NEK9: variants seen among roughly 807,000 people sequenced by gnomAD.
NEK9 encodes serine/threonine-protein kinase Nek9.
NEK9 carries 75 observed loss-of-function variants against 123.4 expected under a neutral mutation model. The observed-to-expected ratio is 0.61, with a 90% CI of 0.50 to 0.74. The LOEUF (loss-of-function observed/expected upper bound fraction) is 0.74, where lower values mean the gene tolerates loss of function less well. Ranked by LOEUF, NEK9 falls within the 30% of genes least tolerant of loss-of-function variation. The pLI is 0.00. For synonymous variants in NEK9, 438 were observed against 458.7 expected, an observed-to-expected ratio of 0.95 and a Z score of 0.58; for missense variants, 952 against 1,214.4, an observed-to-expected ratio of 0.78 and a Z score of 3.21.
At chr14:75,123,381 CCAA>C (rs1254505052) in intron 2 of NEK9, among the ~76,000 whole-genome samples, 1 of 151,604 alleles carries the variant, frequency 6.6e-6, no homozygotes, top group East Asian at 1.9e-4. Flanking sequence ...AGCCTTTACT[CCAA>C]CAAGAGTAAA....
intron 10 of NEK9, among the ~76,000 whole-genome samples, chr14:75,108,510 TGTGC>T (rs1566652685): frequency 1.4e-5 from 1 of 70,640 alleles, no homozygotes; most frequent in Non-Finnish European, 2.8e-5. Flanking sequence ...TGTGTGTGCG[TGTGC>T]GTGTGTGTGT....
rs1170375573 is a variant in NEK9, at chr14:75,081,832, A to G, written c.*2732T>C. The stretch of plus-strand genomic sequence containing the variant: ...ACTGAGGAGGTAGGTACAAGAAAGG[A>G]TCATCCTTCTTTTAGTGGCTCATTT... On this transcript the variant is annotated 3_prime_UTR_variant, in exon 22 of 22. Coordinates refer to ENST00000238616, the MANE Select transcript of NEK9 (RefSeq NM_033116.6). This position sits in a 1 kb window ranked among gnomAD's most constrained non-coding sequence, Gnocchi z 4.2. 1 of 152,078 alleles carries G rather than the reference A, an allele frequency of 6.6e-6. No individual in the cohort carries two copies. The highest frequency in any genetic ancestry group is 6.5e-5 in the Admixed American group (1 of 15,274). 9.4% of individuals were successfully genotyped at this position (152,078 alleles called of 1,614,324 possible).
In NEK9 at chr14:75,109,455, CTCAT is replaced by C. The variant is rs1328795623; in HGVS notation, c.1182+226_1182+229del. The stretch of plus-strand genomic sequence containing the variant: ...AGTCTTTCAATTTTTCTCTCCCTCT[CTCAT>C]TCATTCATTCAAAAAACATTTATAG... On this transcript the variant is annotated intron_variant, in intron 10 of 21. Coordinates refer to ENST00000238616, the MANE Select transcript of NEK9 (RefSeq NM_033116.6). Among the ~76,000 whole-genome samples, 7 of 152,250 alleles carry C rather than the reference CTCAT, an allele frequency of 4.6e-5. No homozygotes were observed. The East Asian group carries it at 1.3e-3, about 29-fold the overall frequency.
intron 21 of NEK9, 106 bp from the exon 22 acceptor site, chr14:75,084,792 G>C: frequency 6.9e-7 from 1 of 1,452,262 alleles, no homozygotes. Flanking sequence ...TGGCTAAGGC[G>C]TGGCTAAGGA....
intron 6 of NEK9, 107 bp from the exon 7 acceptor site, chr14:75,114,420 A>G: frequency 1.2e-6 from 1 of 852,422 alleles, no homozygotes. Flanking sequence ...AGAATTGGCA[A>G]TAGGTCTGAC....
At chr14:75,119,462 C>A (rs1406270121) in intron 4 of NEK9, among the ~76,000 whole-genome samples, 1 of 152,216 alleles carries the variant, frequency 6.6e-6, no homozygotes, top group African/African-American at 2.4e-5. Flanking sequence ...GAATTAACTT[C>A]ATCCTCTAGG....
intron 21 of NEK9, 114 bp from the exon 22 acceptor site, chr14:75,084,800 G>A: frequency 7.3e-7 from 1 of 1,367,576 alleles, no homozygotes; most frequent in Non-Finnish European, 1.0e-6. Context: ...GCGTGGCTAA[G>A]GATTTGTAGC....
At chr14:75,095,298 T>A in intron 18 of NEK9, 74 bp downstream of exon 18, 1 of 980,710 alleles carries the variant, frequency 1.0e-6, no homozygotes, top group Non-Finnish European at 1.6e-6. Context: ...CTTTGGGTTT[T>A]GGAGTCTACA....
At chr14:75,121,458 A>T (rs1315103282) in intron 2 of NEK9, among the ~76,000 whole-genome samples, 1 of 152,198 alleles carries the variant, frequency 6.6e-6, no homozygotes, top group Non-Finnish European at 1.5e-5. Flanking sequence ...TGTTCCCAAC[A>T]AGTGAAGTAT....
chr14:75,120,885 T>C, intron 3 of NEK9: 1 of 634,624 alleles, frequency 1.6e-6, no homozygotes, highest in Non-Finnish European at 2.8e-6. Flanking sequence ...TACGCAGTAA[T>C]AGAACCAGGA....
chr14:75,099,052 C>G (rs1894476897), intron 16 of NEK9, among the ~76,000 whole-genome samples: 1 of 152,170 alleles, frequency 6.6e-6, no homozygotes, highest in Non-Finnish European at 1.5e-5. Flanking sequence ...GGTAACAGAT[C>G]ACAATATCCC....
Position 75,095,370 on chromosome 14 carries a change from AC to A in NEK9, c.2233+1del. 6.2e-7 allele frequency: 1 copy of A among 1,606,550 alleles called. No homozygotes were observed. The highest frequency in any genetic ancestry group is 8.5e-7 in the Non-Finnish European group (1 of 1,173,640). On this transcript the variant is annotated splice_donor_variant, in intron 18 of 21. Transcript: ENST00000238616. LOFTEE classifies it high-confidence loss of function. ...ACTGGTACCTGAAACATTGGTACTTACCAGTTCCAATGGATAAGCCACTGCT... is the reference window on the plus strand; with the variant it reads ...ACTGGTACCTGAAACATTGGTACTTACAGTTCCAATGGATAAGCCACTGCT...
In NEK9 at chr14:75,118,910, GA is replaced by G; in HGVS notation, c.549del (p.Leu184Ter). On this transcript the variant is annotated frameshift_variant, in exon 5 of 22. Transcript: ENST00000238616. LOFTEE classifies it high-confidence loss of function. Reference sequence around the variant, plus strand: ...AGTTTTATCAGGTTTGCCTTGGTCAGAAAAATATTTAATGTCTTTATATCTC... The same window carrying G: ...AGTTTTATCAGGTTTGCCTTGGTCAGAAAATATTTAATGTCTTTATATCTC... ...LHRDIKTLNI[F>X]LTKANLIKLG... is the part of the protein sequence containing the mutation. 1 of 1,594,546 alleles carries G rather than the reference GA, an allele frequency of 6.3e-7. No homozygotes were observed. The highest frequency in any genetic ancestry group is 8.6e-7 in the Non-Finnish European group (1 of 1,163,026).
In NEK9 at chr14:75,101,641, T is replaced by C. The variant is rs1894583618; in HGVS notation, c.1840+16A>G. 2 of 1,565,762 alleles carry C rather than the reference T, an allele frequency of 1.3e-6. No homozygotes were observed. Among genetic ancestry groups the C allele is most frequent in the Non-Finnish European group, 8.8e-7 (1 of 1,136,418 alleles). On this transcript the variant is annotated intron_variant, in intron 15 of 21. Coordinates refer to ENST00000238616, the MANE Select transcript of NEK9 (RefSeq NM_033116.6). ...TCAGCTACTAAGGCATGTGATACAG[T>C]TGTAAATCAACTTACCATCAATAGC...
chr14:75,082,268 T>A lies in NEK9; in HGVS notation c.*2296A>T, dbSNP rs1243276359. On this transcript the variant is annotated 3_prime_UTR_variant, in exon 22 of 22. Transcript: ENST00000238616. Reference sequence around the variant, plus strand: ...AGGTTATACTGTAACTCAAAAGCAATACTACTAGAAAACTTAAAACACCTA... The same window carrying A: ...AGGTTATACTGTAACTCAAAAGCAAAACTACTAGAAAACTTAAAACACCTA... 6.6e-6 allele frequency: 1 copy of A among 152,160 alleles called. No individual in the cohort carries two copies. Among genetic ancestry groups the A allele is most frequent in the East Asian group, 1.9e-4 (1 of 5,190 alleles). 9.4% of individuals were successfully genotyped at this position (152,160 alleles called of 1,614,324 possible).
intron 16 of NEK9, among the ~76,000 whole-genome samples, chr14:75,097,567 G>A (rs1044706784): frequency 3.9e-5 from 6 of 152,176 alleles, no homozygotes; most frequent in African/African-American, 1.4e-4. Context: ...TTTCATGACA[G>A]GTACTGCATG....
rs1022210441 is a variant in NEK9, at chr14:75,082,439, A to G, written c.*2125T>C. ...GCATACTTGTTTGGTGGGAAAAAAAATCATATGGCTGTCCCAGGCACAATA... is the reference window on the plus strand; with the variant it reads ...GCATACTTGTTTGGTGGGAAAAAAAGTCATATGGCTGTCCCAGGCACAATA... On this transcript the variant is annotated 3_prime_UTR_variant, in exon 22 of 22. Coordinates refer to ENST00000238616, the MANE Select transcript of NEK9 (RefSeq NM_033116.6). 1 of 152,258 alleles carries G rather than the reference A, an allele frequency of 6.6e-6. No individual in the cohort carries two copies. Among genetic ancestry groups the G allele is most frequent in the Non-Finnish European group, 1.5e-5 (1 of 68,088 alleles). The allele number at this position is 152,258 out of a possible 1,614,324, so 9.4% of individuals were successfully genotyped here.
At chr14:75,092,513 C>T (rs1344947205) in intron 18 of NEK9, among the ~76,000 whole-genome samples, 10 of 146,742 alleles carry the variant, frequency 6.8e-5, no homozygotes, top group Non-Finnish European at 1.2e-4. Flanking sequence ...GTGATCCACC[C>T]GCCTCGGCCT....
At chr14:75,125,479 A>G (rs775424653) in intron 1 of NEK9, among the ~76,000 whole-genome samples, 18 of 152,246 alleles carry the variant, frequency 1.2e-4, no homozygotes, top group Non-Finnish European at 1.9e-4. Context: ...CAACAGGATA[A>G]TAATAAAAAG....
Sources: allele counts gnomAD v4.1 joint callset (sites outside exome capture counted in the v4.1 genomes callset), GRCh38; gene constraint gnomAD v4.1.1; non-coding constraint Gnocchi (gnomAD v3.1); transcripts MANE v1.5; gene names NCBI Gene and HGNC (gene_info 2026-07-23, HGNC 2026-07-21).